Variants in WDR17 observed in about 807,000 individuals in gnomAD.
The protein encoded by WDR17 is WD repeat domain 17.
A neutral mutation model predicts 161.7 loss-of-function variants in WDR17; 143 were observed. The observed-to-expected ratio is 0.88, with a 90% CI of 0.77 to 1.02. The LOEUF is 1.02. WDR17 is among the 50% of genes least tolerant of loss of function. The probability of loss-of-function intolerance (pLI) is 0.00; values close to 1 mark genes in which losing one functional copy is unlikely to be tolerated. For missense variants in WDR17, 1,469 were observed against 1,520.9 expected (o/e 0.97, Z 0.57); for synonymous variants, 517 against 515.6 (o/e 1.00, Z -0.04).
Position 176,146,154 on chromosome 4 carries a change from T to C in WDR17, c.1689T>C (p.Asp563=). ...AGGGAATTCTTTGCAGTGGTTCTGA[T>C]GATGGGTATGTATTTTTGGATTCTA... ...LREGILCSGS[D]DGTVRIWDYT... is the part of the protein sequence containing the mutation. The change falls in exon 12 of 29, where the codon GAT becomes GAC. Residue 563 remains aspartate, a synonymous_variant. Transcript: ENST00000508596. The C allele has an allele frequency of 6.2e-7, 1 of 1,612,536 alleles. No individual in the cohort carries two copies. Among genetic ancestry groups the C allele is most frequent in the South Asian group, 1.1e-5 (1 of 90,602 alleles).
At chr4:176,124,206 G>A (rs575239064) in intron 4 of WDR17, among the ~76,000 whole-genome samples, 3 of 152,230 alleles carry the variant, frequency 2.0e-5, no homozygotes, top group South Asian at 4.1e-4. Flanking sequence ...TGTTAAGGCC[G>A]CAGTCTCTCT....
Position 176,172,512 on chromosome 4 carries a change from T to C in WDR17, c.3240T>C (p.Val1080=), listed in dbSNP as rs1750876466. ...CCCTTCCTATTGGTATTAGCTTTGT[T>C]AAAGGTAAGTAATTAGTTGGTAGTA... The part of the protein sequence containing the change: ...EKALPIGISF[V]KEYISSSDWT... Residue 1080 remains valine (V), a synonymous_variant, in exon 24 of 29, where the codon GTT becomes GTC. Transcript: ENST00000508596. 6.3e-7 allele frequency: 1 copy of C among 1,582,408 alleles called. No homozygotes were observed. The highest frequency in any genetic ancestry group is 1.4e-5 in the African/African-American group (1 of 72,994).
At chr4:176,098,344 C>CA (rs1737230170) in intron 1 of WDR17, 2 of 151,934 alleles carry the variant, frequency 1.3e-5, no homozygotes, top group African/African-American at 4.8e-5. Context: ...GAGTGGTTCA[C>CA]ATATTAATGA....
intron 28 of WDR17, among the ~76,000 whole-genome samples, chr4:176,178,257 C>T (rs1751757352): frequency 6.6e-6 from 1 of 152,098 alleles, no homozygotes; most frequent in Non-Finnish European, 1.5e-5. Context: ...TAACCAGTAT[C>T]TTCCAAAAGA....
rs768652283 is a variant in WDR17 at position 176,163,235 on chromosome 4, C to A, written c.2932C>A (p.Pro978Thr). 6.2e-7 allele frequency: 1 copy of A among 1,613,820 alleles called. No homozygotes were observed. Among genetic ancestry groups the A allele is most frequent in the South Asian group, 1.1e-5 (1 of 91,046 alleles). The change falls in exon 22 of 29, where the codon CCA becomes ACA. Residue 978 changes from proline (P) to threonine (T), a missense_variant. Coordinates refer to ENST00000508596, the MANE Select transcript of WDR17 (RefSeq NM_181265.4). Reference protein sequence around the residue: ...VGTVLGESAAPATHYALELLA... With the variant: ...VGTVLGESAATATHYALELLA... Reference sequence around the variant, plus strand: ...CACAGTACTAGGAGAGTCTGCAGCACCAGCAACCCACTATGCCTTAGAATT... The same window carrying A: ...CACAGTACTAGGAGAGTCTGCAGCAACAGCAACCCACTATGCCTTAGAATT...
intron 1 of WDR17, among the ~76,000 whole-genome samples, chr4:176,106,481 A>G (rs939366137): frequency 1.3e-5 from 2 of 152,144 alleles, no homozygotes; most frequent in Non-Finnish European, 2.9e-5. Flanking sequence ...ATTAAAATGG[A>G]TCAAAGACAC....
At chr4:176,067,435 G>T (rs6553909) in intron 1 of WDR17, among the ~76,000 whole-genome samples, 85,144 of 152,020 alleles carry the variant, frequency 0.56, 24,533 homozygotes, top group South Asian at 0.63. Context: ...TTCTGCAAAC[G>T]TAATTATGTA....
rs187188334 is a variant in WDR17 at position 176,069,380 on chromosome 4, A to T, written c.-7+3301A>T. Among the ~76,000 whole-genome samples, 105 of 152,268 alleles carry T rather than the reference A, an allele frequency of 6.9e-4. 1 individual carries two copies. The highest frequency in any genetic ancestry group is 2.3e-3 in the African/African-American group (95 of 41,568). On this transcript the variant is annotated intron_variant, in intron 1 of 28. Transcript: ENST00000508596. Reference sequence around the variant, plus strand: ...CTAATTTAAAAAATGTACTGTAGAAATAGACAGTAATATAAATCTATAATT... The same window carrying T: ...CTAATTTAAAAAATGTACTGTAGAATTAGACAGTAATATAAATCTATAATT...
At chr4:176,080,287 A>G (rs1319062545) in intron 1 of WDR17, among the ~76,000 whole-genome samples, 2 of 152,012 alleles carry the variant, frequency 1.3e-5, no homozygotes, top group South Asian at 2.1e-4. Context: ...ATTAGACTCA[A>G]GATAAAAACT....
intron 24 of WDR17, among the ~76,000 whole-genome samples, chr4:176,172,902 T>C (rs1358681137): frequency 6.6e-6 from 1 of 152,110 alleles, no homozygotes; most frequent in African/African-American, 2.4e-5. Context: ...GGGATTGCAC[T>C]AAGCCATTCA....
chr4:176,177,784 T>TA (rs1579280024), intron 28 of WDR17, 130 bp downstream of exon 28: 5 of 811,116 alleles, frequency 6.2e-6, no homozygotes, highest in Non-Finnish European at 9.3e-6. Flanking sequence ...AAGGAAATAT[T>TA]ACCTCTAGTG....
chr4:176,109,753 G>A (rs1366439126), intron 1 of WDR17, among the ~76,000 whole-genome samples: 1 of 152,186 alleles, frequency 6.6e-6, no homozygotes, highest in Non-Finnish European at 1.5e-5. Context: ...GGAAGGTTCA[G>A]GGTGTACACT....
At chr4:176,121,730 T>C (rs1490605079) in intron 4 of WDR17, among the ~76,000 whole-genome samples, 1 of 152,224 alleles carries the variant, frequency 6.6e-6, no homozygotes, top group African/African-American at 2.4e-5. Flanking sequence ...CTTTTTATTG[T>C]GTATCTAAAA....
rs888399342 is a variant in WDR17 at position 176,132,353 on chromosome 4, G to A, written c.1098+615G>A. 3.9e-5 allele frequency among the ~76,000 whole-genome samples: 6 copies of A among 152,010 alleles called. No homozygotes were observed. In the South Asian group the frequency reaches 1.2e-3, roughly 31 times the overall value. On this transcript the variant is annotated intron_variant, in intron 7 of 28. Transcript: ENST00000508596. ...ATGAAGACATGCAATAATACATACT[G>A]CGTTGTAATTAATATTTGTCAAAAA...
In WDR17 at chr4:176,179,616, A is replaced by C; in HGVS notation, c.*37A>C. On this transcript the variant is annotated 3_prime_UTR_variant, in exon 29 of 29. Transcript: ENST00000508596. ...TGTCCATGCTTGATTTTTTTTTTTA[A>C]AGAAAAACTTTCATGGGTTAGCATT... The C allele has an allele frequency of 6.6e-7, 1 of 1,509,888 alleles. No homozygotes were observed. The highest frequency in any genetic ancestry group is 8.9e-7 in the Non-Finnish European group (1 of 1,128,688). 93.5% of individuals were successfully genotyped at this position (1,509,888 alleles called of 1,614,324 possible).
chr4:176,104,333 A>C (rs1428035356), intron 1 of WDR17, among the ~76,000 whole-genome samples: 1 of 152,052 alleles, frequency 6.6e-6, no homozygotes, highest in East Asian at 1.9e-4. Flanking sequence ...AAAAATAAAG[A>C]TCTTGATAAA....
chr4:176,173,158 G>A, intron 24 of WDR17, 109 bp from the exon 25 acceptor site: 1 of 614,328 alleles, frequency 1.6e-6, no homozygotes, highest in Non-Finnish European at 2.7e-6. Flanking sequence ...AGAAAATAAA[G>A]AGGTAAGTAG....
rs750251881 is a variant in WDR17 at position 176,152,127 on chromosome 4, C to T, written c.2460+160C>T. Reference sequence around the variant, plus strand: ...GAGTTCGATACTAGCCTGAGCAACACGGTAAAACCCCACCTCTACAAAAAT... The same window carrying T: ...GAGTTCGATACTAGCCTGAGCAACATGGTAAAACCCCACCTCTACAAAAAT... On this transcript the variant is annotated intron_variant, in intron 17 of 28. Transcript: ENST00000508596. Among the ~76,000 whole-genome samples the T allele has an allele frequency of 6.6e-5, 10 of 150,836 alleles. No homozygotes were observed. In the South Asian group the frequency reaches 1.5e-3, roughly 22 times the overall value.
intron 4 of WDR17, 34 bp downstream of exon 4, chr4:176,120,131 T>C (rs374335395): frequency 6.7e-7 from 1 of 1,502,816 alleles, no homozygotes. Context: ...TCTTAAATAG[T>C]ATATTTTTCT....
Sources: gnomAD v4.1 joint callset for allele counts (sites outside exome capture counted in the v4.1 genomes callset) on GRCh38, gnomAD v4.1.1 for gene constraint, MANE v1.5 for transcripts, NCBI Gene and HGNC (gene_info 2026-07-23, HGNC 2026-07-21) for gene names.